The following RNF216 variants were observed in gnomAD, a reference collection of about 807,000 sequenced individuals.
RNF216 encodes E3 ubiquitin-protein ligase RNF216.
RNF216 carries 72 observed loss-of-function variants against 110.8 expected under a neutral mutation model. The ratio of observed to expected loss-of-function variants is 0.65; its 90% confidence interval spans 0.54 to 0.79. The LOEUF (loss-of-function observed/expected upper bound fraction) is 0.79, where lower values mean the gene tolerates loss of function less well. RNF216 is among the 30% of genes least tolerant of loss of function. The probability of loss-of-function intolerance (pLI) is 0.00; values close to 1 mark genes in which losing one functional copy is unlikely to be tolerated. For missense variants in RNF216, 1,342 were observed against 1,141.2 expected (o/e 1.18, Z -2.54); for synonymous variants, 495 against 407.5 (o/e 1.21, Z -2.59).
At chr7:5,647,718 G>C (rs547527254) in intron 14 of RNF216, among the ~76,000 whole-genome samples, 159 of 152,166 alleles carry the variant, frequency 1.0e-3, no homozygotes, top group African/African-American at 3.7e-3. Flanking sequence ...AATCATTCTA[G>C]ACTCCTTCCG....
At chr7:5,659,029 T>G (rs1476598449) in intron 13 of RNF216, among the ~76,000 whole-genome samples, 2 of 151,930 alleles carry the variant, frequency 1.3e-5, no homozygotes, top group African/African-American at 4.8e-5. Flanking sequence ...ATGAAAGAGA[T>G]GAGGGTGAGA....
intron 9 of RNF216, among the ~76,000 whole-genome samples, chr7:5,720,752 T>C (rs896683037): frequency 6.6e-6 from 1 of 152,134 alleles, no homozygotes; most frequent in Non-Finnish European, 1.5e-5. Flanking sequence ...ATACTATATT[T>C]AGAAAAATTA....
intron 2 of RNF216, among the ~76,000 whole-genome samples, chr7:5,755,869 T>C (rs994094850): frequency 5.9e-5 from 9 of 152,114 alleles, no homozygotes; most frequent in Non-Finnish European, 1.0e-4. Context: ...ACTAAACAAA[T>C]TTTCCAAATT....
intron 13 of RNF216, among the ~76,000 whole-genome samples, chr7:5,665,239 A>G (rs1453709066): frequency 1.3e-5 from 2 of 152,184 alleles, no homozygotes; most frequent in Non-Finnish European, 2.9e-5. Flanking sequence ...CAAAGGAAGG[A>G]GAACCTTTAC....
intron 2 of RNF216, among the ~76,000 whole-genome samples, chr7:5,755,557 A>G (rs539783882): frequency 1.4e-4 from 21 of 152,336 alleles, no homozygotes; most frequent in Admixed American, 2.0e-4. Flanking sequence ...AATTGCGCAG[A>G]TAAGTTTTGC....
At chr7:5,735,450 A>G (rs1264807104) in intron 5 of RNF216, among the ~76,000 whole-genome samples, 2 of 152,246 alleles carry the variant, frequency 1.3e-5, no homozygotes, top group Non-Finnish European at 2.9e-5. Flanking sequence ...AATTAAAAAA[A>G]GATTAAAAAT....
chr7:5,750,858 A>T (rs1795291015), intron 3 of RNF216, among the ~76,000 whole-genome samples: 1 of 152,234 alleles, frequency 6.6e-6, no homozygotes, highest in African/African-American at 2.4e-5. Context: ...CCCCGCTTTA[A>T]TTTAACCCAG....
At chr7:5,755,552 C>T (rs946157041) in intron 2 of RNF216, among the ~76,000 whole-genome samples, 2 of 152,168 alleles carry the variant, frequency 1.3e-5, no homozygotes, top group Non-Finnish European at 2.9e-5. Flanking sequence ...TTTCTAATTG[C>T]GCAGATAAGT....
At chr7:5,628,506 T>TA (rs941668618) in intron 15 of RNF216, among the ~76,000 whole-genome samples, 3 of 152,212 alleles carry the variant, frequency 2.0e-5, no homozygotes, top group Non-Finnish European at 2.9e-5. Context: ...GCTAATATGT[T>TA]AGACTCTAAA....
intron 13 of RNF216, among the ~76,000 whole-genome samples, chr7:5,710,435 A>G (rs770001833): frequency 2.6e-5 from 4 of 152,014 alleles, no homozygotes; most frequent in Admixed American, 6.6e-5. Context: ...GGCCTTCCCA[A>G]TTGTACATAA....
intron 3 of RNF216, among the ~76,000 whole-genome samples, chr7:5,747,536 A>G (rs1795090455): frequency 6.6e-6 from 1 of 152,190 alleles, no homozygotes; most frequent in Admixed American, 6.5e-5. Context: ...TGAAAGCAAA[A>G]TAGATGCCCC....
chr7:5,733,047 G>A (rs1175280270), intron 5 of RNF216: 1 of 152,198 alleles, frequency 6.6e-6, no homozygotes, highest in Non-Finnish European at 1.5e-5. Flanking sequence ...ATTTAAAGAT[G>A]CACATAAAGC....
intron 3 of RNF216, among the ~76,000 whole-genome samples, chr7:5,748,481 A>T (rs1795152150): frequency 6.6e-6 from 1 of 152,154 alleles, no homozygotes; most frequent in African/African-American, 2.4e-5. Flanking sequence ...ACTGGTCTTG[A>T]ACTCTTGGCC....
intron 3 of RNF216, among the ~76,000 whole-genome samples, chr7:5,743,180 G>C (rs1794856322): frequency 6.6e-6 from 1 of 152,066 alleles, no homozygotes; most frequent in African/African-American, 2.4e-5. Context: ...AGAATTGCTT[G>C]AACCAGGGAG....
At chr7:5,747,745 T>TTAAA (rs1562457376) in intron 3 of RNF216, among the ~76,000 whole-genome samples, 1 of 11,018 alleles carries the variant, frequency 9.1e-5, no homozygotes, top group African/African-American at 3.7e-4. Context: ...AGACTCCATC[T>TTAAA]CAAAAAAAAA....
At chr7:5,647,418 C>T (rs1463641635) in intron 14 of RNF216, among the ~76,000 whole-genome samples, 11 of 148,272 alleles carry the variant, frequency 7.4e-5, no homozygotes, top group Admixed American at 5.5e-4. Context: ...ACTGCGGCCT[C>T]GAACTCCTGG....
chr7:5,662,577 G>A (rs1789216154), intron 13 of RNF216: 1 of 152,212 alleles, frequency 6.6e-6, no homozygotes, highest in Non-Finnish European at 1.5e-5. Context: ...TGAAAGGAAT[G>A]AAGACACTCT....
intron 3 of RNF216, among the ~76,000 whole-genome samples, chr7:5,746,553 A>G (rs1795040373): frequency 1.3e-5 from 2 of 152,134 alleles, no homozygotes; most frequent in Admixed American, 1.3e-4. Context: ...GGCTTAGGTG[A>G]GGGAGGCCTC....
chr7:5,627,995 C>T (rs75077694), intron 15 of RNF216, among the ~76,000 whole-genome samples: 2,260 of 152,264 alleles, frequency 0.015, 49 homozygotes, highest in African/African-American at 0.051. Context: ...CATAGGAGCG[C>T]GAGCCCAGGT....
Sources: allele counts gnomAD v4.1 joint callset (sites outside exome capture counted in the v4.1 genomes callset), GRCh38; gene constraint gnomAD v4.1.1; transcripts MANE v1.5; gene names NCBI Gene and HGNC (gene_info 2026-07-23, HGNC 2026-07-21).